Variants in BRSK1 observed in about 807,000 individuals in gnomAD.
BRSK1 encodes serine/threonine-protein kinase BRSK1.
In BRSK1, 17 loss-of-function variants were observed where a neutral mutation model predicts 86.2. The observed-to-expected ratio is 0.20, with a 90% CI of 0.14 to 0.30. BRSK1 has a LOEUF of 0.30. Ranked by LOEUF, BRSK1 falls within the 10% of genes least tolerant of loss-of-function variation. The pLI is 1.00. For synonymous variants in BRSK1, 464 were observed against 440.1 expected (o/e 1.05, Z -0.68); for missense variants, 719 against 1,071.9 (o/e 0.67, Z 4.60).
chr19:55,287,073 A>C lies in BRSK1; in HGVS notation c.203A>C (p.Glu68Ala). ...QKVAIKIVNR[E>A]KLSESVLMKV... Reference sequence around the variant, plus strand: ...GTCGCCATCAAGATCGTGAACCGGGAGAAGCTGTCGGAGTCGGTGCTGATG... The same window carrying C: ...GTCGCCATCAAGATCGTGAACCGGGCGAAGCTGTCGGAGTCGGTGCTGATG... Residue 68 changes from glutamate (E) to alanine (A), a missense_variant, in exon 2 of 19, where the codon GAG becomes GCG. Around this residue, in one of 6 missense-constraint regions of BRSK1, gnomAD observed 71 missense variants for 92.6 expected, o/e 0.77. Transcript: ENST00000309383. The surrounding 1 kb of genome is among the most constrained non-coding windows in gnomAD (Gnocchi z 5.3). 1 of 1,611,354 alleles carries C rather than the reference A, an allele frequency of 6.2e-7. No homozygotes were observed. Among genetic ancestry groups the C allele is most frequent in the Non-Finnish European group, 8.5e-7 (1 of 1,179,114 alleles).
chr19:55,304,831 G>A lies in BRSK1; in HGVS notation c.1628G>A (p.Gly543Asp), dbSNP rs1236574921. The stretch of plus-strand genomic sequence containing the variant: ...ACACCACCCCCCAGCCCCGGCGGTG[G>A]CGTCGGGGGAGCCGCCTGGAGGAGT... The part of the protein sequence containing the change: ...GTTPPPSPGG[G>D]VGGAAWRSRL... The change falls in exon 14 of 19, where the codon GGC (glycine) becomes GAC (aspartate). Residue 543 changes from glycine (G) to aspartate (D), a missense_variant. Gly to Asp is a moderately conservative substitution (Grantham distance 94). Transcript: ENST00000309383. This position sits in a 1 kb window ranked among gnomAD's most constrained non-coding sequence, Gnocchi z 5.2. 6.3e-7 allele frequency: 1 copy of A among 1,596,974 alleles called. No individual in the cohort carries two copies. The highest frequency in any genetic ancestry group is 1.7e-5 in the Admixed American group (1 of 57,982).
intron 18 of BRSK1, 24 bp downstream of exon 18, chr19:55,308,752 T>TG (rs1292409758): frequency 9.4e-6 from 3 of 320,468 alleles, no homozygotes; most frequent in Admixed American, 1.1e-4. Flanking sequence ...CCGTGGGTGG[T>TG]GGGGGGCGTG....
At chr19:55,297,146 G>C (rs8107006) in intron 7 of BRSK1, among the ~76,000 whole-genome samples, 2,420 of 152,104 alleles carry the variant, frequency 0.016, 71 homozygotes, top group African/African-American at 0.056. Context: ...GCGCCATCTC[G>C]GCTCACTGCA....
chr19:55,307,791 T>TAA (rs2088681688), intron 17 of BRSK1, among the ~76,000 whole-genome samples: 2 of 82,562 alleles, frequency 2.4e-5, no homozygotes, highest in African/African-American at 1.4e-4. Context: ...CACACACAAT[T>TAA]TAAAAAAAAA....
rs1484609670 is a variant in BRSK1 at position 55,287,496 on chromosome 19, T to C, written c.317+197T>C. Among the ~76,000 whole-genome samples the C allele has an allele frequency of 6.6e-6, 1 of 152,150 alleles. No individual in the cohort carries two copies. The highest frequency in any genetic ancestry group is 2.4e-5 in the African/African-American group (1 of 41,444). Reference sequence around the variant, plus strand: ...GGAACCCCACTGTTGTCACGCTGTGTTGGGCCTGAGGCCAAGGGCAACCAT... The same window carrying C: ...GGAACCCCACTGTTGTCACGCTGTGCTGGGCCTGAGGCCAAGGGCAACCAT... On this transcript the variant is annotated intron_variant, in intron 3 of 18. Transcript: ENST00000309383. This position sits in a 1 kb window ranked among gnomAD's most constrained non-coding sequence, Gnocchi z 5.3.
At chr19:55,293,450 C>T (rs1050350304) in intron 4 of BRSK1, among the ~76,000 whole-genome samples, 1 of 151,664 alleles carries the variant, frequency 6.6e-6, no homozygotes, top group South Asian at 2.1e-4. Flanking sequence ...TGCAGTGAGC[C>T]GAGATCATGC....
At chr19:55,308,133 GT>G (rs1172576232) in intron 17 of BRSK1, among the ~76,000 whole-genome samples, 7 of 148,892 alleles carry the variant, frequency 4.7e-5, no homozygotes, top group African/African-American at 1.7e-4. Flanking sequence ...AGATTCTCTT[GT>G]CTTAGCCTCC....
intron 3 of BRSK1, among the ~76,000 whole-genome samples, chr19:55,288,236 T>C (rs1301641258): frequency 2.0e-5 from 3 of 151,994 alleles, no homozygotes; most frequent in Non-Finnish European, 2.9e-5. Context: ...ATCTCAACAC[T>C]TTGGGAGGCC....
chr19:55,296,434 A>T (rs548944147), intron 7 of BRSK1, among the ~76,000 whole-genome samples: 122 of 152,272 alleles, frequency 8.0e-4, no homozygotes, highest in African/African-American at 2.6e-3. Flanking sequence ...GCAATGACTC[A>T]CGCCAGTAAT....
chr19:55,294,526 G>A lies in BRSK1; in HGVS notation c.678+129G>A, dbSNP rs1259411440. 8.2e-7 allele frequency: 1 copy of A among 1,220,844 alleles called. No individual in the cohort carries two copies. The highest frequency in any genetic ancestry group is 1.1e-6 in the Non-Finnish European group (1 of 882,020). 75.6% of individuals were successfully genotyped at this position (1,220,844 alleles called of 1,614,324 possible). ...AATTTTATTTATTTATTTTGAGACA[G>A]AGTCTTGCCCCGTCGCCTAGGCTGG... On this transcript the variant is annotated intron_variant, in intron 7 of 18. Coordinates refer to ENST00000309383, the MANE Select transcript of BRSK1 (RefSeq NM_032430.2). The surrounding 1 kb of genome is among the most constrained non-coding windows in gnomAD (Gnocchi z 4.9).
rs2088752449 is a variant in BRSK1, at chr19:55,310,197, G to A, written c.2179+1469G>A. 6.6e-6 allele frequency among the ~76,000 whole-genome samples: 1 copy of A among 152,224 alleles called. No individual in the cohort carries two copies. The highest frequency in any genetic ancestry group is 2.4e-5 in the African/African-American group (1 of 41,448). On this transcript the variant is annotated intron_variant, in intron 18 of 18. Coordinates refer to ENST00000309383, the MANE Select transcript of BRSK1 (RefSeq NM_032430.2). The surrounding 1 kb of genome is among the most constrained non-coding windows in gnomAD (Gnocchi z 5.0). Reference sequence around the variant, plus strand: ...AAGTGATTTTCGTACAGTCCTGGAGGTCAGAAGTCCCACATGGTCTCTGCA... The same window carrying A: ...AAGTGATTTTCGTACAGTCCTGGAGATCAGAAGTCCCACATGGTCTCTGCA...
intron 1 of BRSK1, among the ~76,000 whole-genome samples, chr19:55,285,457 C>G (rs1568977432): frequency 6.6e-6 from 1 of 152,074 alleles, no homozygotes; most frequent in Non-Finnish European, 1.5e-5. Context: ...CAGCTGCAGA[C>G]CGGGGTGCAG....
At chr19:55,305,753 C>T (rs1173997460) in intron 16 of BRSK1, among the ~76,000 whole-genome samples, 167 bp downstream of exon 16, 2 of 152,132 alleles carry the variant, frequency 1.3e-5, no homozygotes, top group Non-Finnish European at 2.9e-5. Flanking sequence ...AAAGATTTAT[C>T]GTGGCCAGAG....
At position 55,304,795 on chromosome 19, in the gene BRSK1, C is replaced by A. The variant is rs55892637; in HGVS notation, c.1592C>A (p.Thr531Asn). The change falls in exon 14 of 19, where the codon ACC becomes AAC. Residue 531 changes from threonine (T) to asparagine (N), a missense_variant. This residue lies in a region of BRSK1 where 143 missense variants were observed against 120.1 expected (regional missense o/e 1.19). Coordinates refer to ENST00000309383, the MANE Select transcript of BRSK1 (RefSeq NM_032430.2). This position sits in a 1 kb window ranked among gnomAD's most constrained non-coding sequence, Gnocchi z 5.2. Reference protein sequence around the residue: ...LHTPRASPTGTPGTTPPPSPG... With the variant: ...LHTPRASPTGNPGTTPPPSPG... ...ACGCCCCGGGCCAGTCCCACCGGGA[C>A]CCCGGGGACAACACCACCCCCCAGC... 3 of 1,568,100 alleles carry A rather than the reference C, an allele frequency of 1.9e-6. No homozygotes were observed. The highest frequency in any genetic ancestry group is 2.4e-5 in the East Asian group (1 of 42,290).
intron 7 of BRSK1, among the ~76,000 whole-genome samples, chr19:55,300,024 C>A (rs898750427): frequency 6.6e-6 from 1 of 152,164 alleles, no homozygotes; most frequent in Admixed American, 6.5e-5. Context: ...TCCCTCCCGT[C>A]CCGTATGATA....
At position 55,312,056 on chromosome 19, in the gene BRSK1, C is replaced by A. The variant is rs1470008080; in HGVS notation, c.2325C>A (p.Thr775=). The change falls in exon 19 of 19, where the codon ACC becomes ACA. Residue 775 remains threonine (T), a synonymous_variant. Transcript: ENST00000309383. ...KDKKLLATNG[T]PLP ...AGAAGCTCCTGGCCACCAACGGGACCCCTCTGCCCTGACCCCACGGGGCCG... is the reference window on the plus strand; with the variant it reads ...AGAAGCTCCTGGCCACCAACGGGACACCTCTGCCCTGACCCCACGGGGCCG... 3.5e-5 allele frequency: 51 copies of A among 1,453,838 alleles called. No individual in the cohort carries two copies. In the East Asian group the frequency reaches 1.3e-3, roughly 36 times the overall value. The allele number at this position is 1,453,838 out of a possible 1,614,324, so 90.1% of individuals were successfully genotyped here. A position where few individuals can be genotyped will look rare whatever the true frequency, so the allele number is the denominator to read the frequency against.
At chr19:55,309,514 G>A (rs923566598) in intron 18 of BRSK1, among the ~76,000 whole-genome samples, 4 of 152,226 alleles carry the variant, frequency 2.6e-5, no homozygotes, top group African/African-American at 4.8e-5. Flanking sequence ...TGCCAGCAGC[G>A]TTGGTGCCTG....
In BRSK1 at chr19:55,304,964, G is replaced by A; in HGVS notation, c.1717+44G>A. The A allele has an allele frequency of 6.3e-7, 1 of 1,594,018 alleles. No homozygotes were observed. Among genetic ancestry groups the A allele is most frequent in the African/African-American group, 1.3e-5 (1 of 74,664 alleles). On this transcript the variant is annotated intron_variant, in intron 14 of 18. Transcript: ENST00000309383. This position sits in a 1 kb window ranked among gnomAD's most constrained non-coding sequence, Gnocchi z 5.2. ...CCGAGTCCTAATGTGGGGAGAGGTT[G>A]GGGCTAAAAATCTGGTTCCAGGGAT... is the stretch of plus-strand genomic sequence containing the variant.
rs780991388 is a variant in BRSK1 at position 55,303,723 on chromosome 19, C to T, written c.1183C>T (p.Pro395Ser). 4.3e-6 allele frequency: 7 copies of T among 1,613,598 alleles called. No homozygotes were observed. In the East Asian group the frequency reaches 1.3e-4, roughly 31 times the overall value. The change falls in exon 12 of 19, where the codon CCA becomes TCA. Residue 395 changes from proline to serine, a missense_variant. Transcript: ENST00000309383. The surrounding 1 kb of genome is among the most constrained non-coding windows in gnomAD (Gnocchi z 5.1). Reference protein sequence around the residue: ...PMLSRHGKRRPERKSMEVLSI... With the variant: ...PMLSRHGKRRSERKSMEVLSI... ...GCTGAGCCGTCACGGGAAGCGGCGA[C>T]CAGAGCGGAAGTCCATGGAAGTCCT...
Sources: gnomAD v4.1 joint callset for allele counts (sites outside exome capture counted in the v4.1 genomes callset) on GRCh38, gnomAD v4.1.1 for gene constraint, gnomAD v4.1.1 regional missense constraint, Gnocchi (gnomAD v3.1) non-coding constraint, MANE v1.5 for transcripts, NCBI Gene and HGNC (gene_info 2026-07-23, HGNC 2026-07-21) for gene names.